The following TOP2A variants were observed in gnomAD, a reference collection of about 807,000 sequenced individuals.
TOP2A encodes the protein DNA topoisomerase II alpha, also known as DNA topoisomerase 2-alpha.
In TOP2A, 68 loss-of-function variants were observed where a neutral mutation model predicts 187.2. The ratio of observed to expected loss-of-function variants is 0.36; its 90% CI spans 0.30 to 0.44. The LOEUF (loss-of-function observed/expected upper bound fraction) is 0.44. Ranked by LOEUF, TOP2A falls within the 20% of genes least tolerant of loss-of-function variation. TOP2A has a pLI of 1.00. For synonymous variants in TOP2A, 542 were observed against 593.2 expected (o/e 0.91, Z 1.25); for missense variants, 1,196 against 1,808.7 (o/e 0.66, Z 6.14).
At chr17:40,395,670 C>G in intron 28 of TOP2A, 131 bp from the exon 29 acceptor site, 1 of 532,798 alleles carries the variant, frequency 1.9e-6, no homozygotes, top group East Asian at 3.6e-5. Context: ...CCGTGGTGGG[C>G]AGATCTCTTG....
intron 16 of TOP2A, among the ~76,000 whole-genome samples, chr17:40,405,213 C>T (rs1042212279): frequency 8.6e-5 from 13 of 150,966 alleles, no homozygotes; most frequent in Non-Finnish European, 1.9e-4. Flanking sequence ...TGTGATGGCA[C>T]GATTTCGGCT....
chr17:40,402,411 T>G (rs2035193555), intron 20 of TOP2A, among the ~76,000 whole-genome samples: 1 of 152,080 alleles, frequency 6.6e-6, no homozygotes, highest in Non-Finnish European at 1.5e-5. Context: ...GAAGGAGCCC[T>G]GGAATGGGCC....
Position 40,408,048 on chromosome 17 carries a change from A to G in TOP2A, c.1419T>C (p.Leu473=), listed in dbSNP as rs754382885. The change falls in exon 12 of 35, where the codon CTT becomes CTC. Residue 473 remains leucine (L), a synonymous_variant. Coordinates refer to ENST00000423485, the MANE Select transcript of TOP2A (RefSeq NM_001067.4). ...CATATTTGTCTCTCCCAACCACACC[A>G]AGGCCTGAAACAGCCAAAGTTTTGG... ...DSAKTLAVSG[L]GVVGRDKYGV... is the part of the protein sequence containing the mutation. The G allele has an allele frequency of 2.0e-5, 33 of 1,613,506 alleles. No homozygotes were observed. Among genetic ancestry groups the G allele is most frequent in the Admixed American group, 3.3e-5 (2 of 59,994 alleles).
chr17:40,404,356 G>A, intron 18 of TOP2A, 21 bp downstream of exon 18: 1 of 1,604,874 alleles, frequency 6.2e-7, no homozygotes, highest in Non-Finnish European at 8.5e-7. Context: ...AATGAAAACA[G>A]ACTAACAAAT....
intron 1 of TOP2A, chr17:40,417,503 A>G: frequency 7.2e-7 from 1 of 1,392,708 alleles, no homozygotes; most frequent in South Asian, 1.6e-5. Flanking sequence ...CCGCTGTAAC[A>G]TGGATCCACT....
At position 40,389,404 on chromosome 17, in the gene TOP2A, C is replaced by A; in HGVS notation, c.*115G>T. ...CTTTACTTCACTTTGATGTCTTGTA[C>A]TAAAAACACCTTCCCCAAACTAAAT... On this transcript the variant is annotated 3_prime_UTR_variant, in exon 35 of 35. Coordinates refer to ENST00000423485, the MANE Select transcript of TOP2A (RefSeq NM_001067.4). The A allele has an allele frequency of 1.6e-6, 2 of 1,268,956 alleles. No individual in the cohort carries two copies. The highest frequency in any genetic ancestry group is 2.1e-6 in the Non-Finnish European group (2 of 935,344). The allele number at this position is 1,268,956 out of a possible 1,614,324, so 78.6% of individuals were successfully genotyped here. A position where few individuals can be genotyped will look rare whatever the true frequency, so the allele number is the denominator to read the frequency against.
At chr17:40,414,093 GATA>G (rs2035359816) in intron 4 of TOP2A, among the ~76,000 whole-genome samples, 1 of 152,124 alleles carries the variant, frequency 6.6e-6, no homozygotes, top group Admixed American at 6.5e-5. Flanking sequence ...AATAGACACT[GATA>G]ATGTTGAAAA....
chr17:40,411,743 T>C lies in TOP2A; in HGVS notation c.865A>G (p.Ile289Val). 4 of 1,612,824 alleles carry C rather than the reference T, an allele frequency of 2.5e-6. No individual in the cohort carries two copies. The highest frequency in any genetic ancestry group is 3.4e-6 in the Non-Finnish European group (4 of 1,179,516). Residue 289 changes from isoleucine to valine, a missense_variant, in exon 8 of 35, where the codon ATA (isoleucine) becomes GTA (valine). By Grantham distance (29) the Ile-to-Val change is conservative (BLOSUM62 3). Transcript: ENST00000423485. The surrounding 1 kb of genome is among the most constrained non-coding windows in gnomAD (Gnocchi z 4.4). ...CACCTGTGGTTTACTTGTTCATGTATTACTTTCAAGGAGTTACCAGTTTCA... is the reference window on the plus strand; with the variant it reads ...CACCTGTGGTTTACTTGTTCATGTACTACTTTCAAGGAGTTACCAGTTTCA... ...LDETGNSLKV[I>V]HEQVNHRWEV...
intron 7 of TOP2A, 145 bp downstream of exon 7, chr17:40,412,614 A>C: frequency 4.9e-5 from 32 of 656,766 alleles, no homozygotes; most frequent in Non-Finnish European, 6.2e-5. Flanking sequence ...ACTGCACTCC[A>C]GCCCGGGCAA....
intron 1 of TOP2A, among the ~76,000 whole-genome samples, chr17:40,417,418 A>G (rs2035405769): frequency 1.3e-5 from 2 of 152,200 alleles, no homozygotes; most frequent in South Asian, 4.1e-4. Flanking sequence ...GATCGGGGAC[A>G]TTCAAGACCG....
At chr17:40,415,971 G>C in intron 4 of TOP2A, 34 bp downstream of exon 4, 2 of 1,431,030 alleles carry the variant, frequency 1.4e-6, no homozygotes, top group Non-Finnish European at 1.9e-6. Context: ...CAATAGCAAC[G>C]AGCTACATAA....
chr17:40,395,306 AGGTC>A, intron 29 of TOP2A, 139 bp downstream of exon 29: 10 of 253,892 alleles, frequency 3.9e-5, no homozygotes, highest in South Asian at 9.6e-5. Flanking sequence ...AAAAAAAAAG[AGGTC>A]CAAGTAGAAT....
Position 40,406,415 on chromosome 17 carries a change from G to C in TOP2A, c.1922C>G (p.Ser641Cys). ...GATAGCAGCATCATCTTCAGGACCA[G>C]AATATTTGAACTGGATACGATGTCT... ...MKRHRIQFKY[S>C]GPEDDAAISL... The change falls in exon 16 of 35, where the codon TCT becomes TGT. Residue 641 changes from serine (S) to cysteine (C), a missense_variant. Physicochemically the swap from Ser to Cys is moderately radical, Grantham distance 112. Transcript: ENST00000423485. 6 of 1,613,334 alleles carry C rather than the reference G, an allele frequency of 3.7e-6. No homozygotes were observed. Among genetic ancestry groups the C allele is most frequent in the Non-Finnish European group, 5.1e-6 (6 of 1,179,462 alleles).
rs953965036 is a variant in TOP2A, at chr17:40,393,523, A to G, written c.3812-786T>C. 2.0e-5 allele frequency among the ~76,000 whole-genome samples: 3 copies of G among 152,156 alleles called. No individual in the cohort carries two copies. In the East Asian group the frequency reaches 5.8e-4, roughly 29 times the overall value. On this transcript the variant is annotated intron_variant, in intron 29 of 34. Coordinates refer to ENST00000423485, the MANE Select transcript of TOP2A (RefSeq NM_001067.4). The stretch of plus-strand genomic sequence containing the variant: ...TCTCAAAAAAAGTAGATACTCAAGG[A>G]CATATATAGCTCAATCAGTGGAACA...
At chr17:40,417,721 T>A (rs776167914) in intron 1 of TOP2A, 50 bp downstream of exon 1, 9 of 1,610,022 alleles carry the variant, frequency 5.6e-6, no homozygotes, top group Non-Finnish European at 7.6e-6. Flanking sequence ...GCCAGAGAGA[T>A]GCCCGGGCCG....
rs77575715 is a variant in TOP2A, at chr17:40,389,254, T to A, written c.*265A>T. 3,702 of 335,662 alleles carry A rather than the reference T, an allele frequency of 0.011. 21 individuals carry two copies. Among genetic ancestry groups the A allele is most frequent in the Non-Finnish European group, 0.016 (2,930 of 181,686 alleles). The allele number at this position is 335,662 out of a possible 1,614,324, so 20.8% of individuals were successfully genotyped here. Reference sequence around the variant, plus strand: ...AGCTATTTCTACAGTTCAGAAGAACTTAAAAATCAGGTTTTAAAGACAAAA... The same window carrying A: ...AGCTATTTCTACAGTTCAGAAGAACATAAAAATCAGGTTTTAAAGACAAAA... On this transcript the variant is annotated 3_prime_UTR_variant, in exon 35 of 35. Transcript: ENST00000423485.
In TOP2A at chr17:40,406,601, T is replaced by C; in HGVS notation, c.1826A>G (p.Lys609Arg). The change falls in exon 15 of 35, where the codon AAA becomes AGA. Residue 609 changes from lysine (K) to arginine (R), a missense_variant. Coordinates refer to ENST00000423485, the MANE Select transcript of TOP2A (RefSeq NM_001067.4). ...KSSTPNHKKWKVKYYKGLGTS... is the reference protein window; with the variant it reads ...KSSTPNHKKWRVKYYKGLGTS... ...TTACAAACCTTTGTAATATTTGACT[T>C]TCCATTTTTTATGATTTGGAGTAGA... 6.2e-7 allele frequency: 1 copy of C among 1,612,090 alleles called. No homozygotes were observed. Among genetic ancestry groups the C allele is most frequent in the Non-Finnish European group, 8.5e-7 (1 of 1,179,248 alleles).
chr17:40,401,828 G>A (rs1001662126), intron 20 of TOP2A, among the ~76,000 whole-genome samples: 2 of 152,048 alleles, frequency 1.3e-5, no homozygotes, highest in African/African-American at 2.4e-5. Context: ...AAATGTGCTC[G>A]GTATATTTGA....
chr17:40,391,514 G>C lies in TOP2A; in HGVS notation c.4259C>G (p.Ala1420Gly), dbSNP rs781603804. ...PKKNVTVKKT[A>G]AKSQSSTSTT... ...CAAAGATTTAGGCTTACTTTTTGCTGCTGTCTTCTTCACTGTCACATTCTT... is the reference window on the plus strand; with the variant it reads ...CAAAGATTTAGGCTTACTTTTTGCTCCTGTCTTCTTCACTGTCACATTCTT... The change falls in exon 33 of 35, where the codon GCA becomes GGA. Residue 1420 changes from alanine (A) to glycine (G), a missense_variant. Around this residue, in one of 10 missense-constraint regions of TOP2A, gnomAD observed 374 missense variants for 403.3 expected, o/e 0.93. Transcript: ENST00000423485. 2 of 1,609,164 alleles carry C rather than the reference G, an allele frequency of 1.2e-6. No individual in the cohort carries two copies. Among genetic ancestry groups the C allele is most frequent in the South Asian group, 2.2e-5 (2 of 89,626 alleles).
Sources: allele counts gnomAD v4.1 joint callset (sites outside exome capture counted in the v4.1 genomes callset), GRCh38; gene constraint gnomAD v4.1.1; regional missense constraint gnomAD v4.1.1; non-coding constraint Gnocchi (gnomAD v3.1); transcripts MANE v1.5; gene names NCBI Gene and HGNC (gene_info 2026-07-23, HGNC 2026-07-21).